ZNF177: variants seen among roughly 807,000 people sequenced by gnomAD.
ZNF177 encodes zinc finger protein 177.
Under a neutral mutation model 19.4 loss-of-function variants are expected in ZNF177, and 17 were observed. The observed-to-expected ratio is 0.87, with a 90% CI of 0.60 to 1.31. ZNF177 has a LOEUF of 1.31. Ranked by LOEUF, ZNF177 falls within the 40% of genes most tolerant of loss-of-function variation. The probability of loss-of-function intolerance (pLI) is 0.00; values close to 1 mark genes in which losing one functional copy is unlikely to be tolerated. For missense variants in ZNF177, 633 were observed against 561.8 expected, an observed-to-expected ratio of 1.13 and a Z score of -1.28; for synonymous variants, 220 against 188.7, an observed-to-expected ratio of 1.17 and a Z score of -1.36.
intron 2 of ZNF177, chr19:9,378,572 G>A (rs2068144228): frequency 4.4e-6 from 3 of 679,040 alleles, no homozygotes; most frequent in Non-Finnish European, 7.3e-6. Context: ...ATTCCATACT[G>A]TAGTGAGTGC....
At chr19:9,382,041 T>C (rs1599398205) in exon 6 of ZNF177, 1 of 477,848 alleles carries the variant, frequency 2.1e-6, no homozygotes, top group Non-Finnish European at 3.6e-6. Flanking sequence ...ACAGAACACA[T>C]GGTCTTCAAT....
In ZNF177 at chr19:9,381,810, G is replaced by A. The variant is rs372326101; in HGVS notation, c.*33G>A. 7.1e-6 allele frequency: 11 copies of A among 1,555,020 alleles called. No individual in the cohort carries two copies. The African/African-American group carries it at 8.2e-5, about 12-fold the overall frequency. ...CAGGGAAGTGTTTGTTGCCCCTCATGCCTCCTTTCTCACTTTAGAACATAT... is the reference window on the plus strand; with the variant it reads ...CAGGGAAGTGTTTGTTGCCCCTCATACCTCCTTTCTCACTTTAGAACATAT... On this transcript the variant is annotated 3_prime_UTR_variant, in exon 6 of 6. Transcript: ENST00000589262.
At chr19:9,372,654 C>A (rs1330905734), upstream of ZNF177, among the ~76,000 whole-genome samples, 1 of 142,520 alleles carries the variant, frequency 7.0e-6, no homozygotes, top group African/African-American at 2.6e-5. Flanking sequence ...TCAAGCAATT[C>A]TCCTGCCTCC....
upstream of ZNF177, among the ~76,000 whole-genome samples, chr19:9,372,543 T>C (rs988022663): frequency 1.6e-5 from 2 of 124,292 alleles, no homozygotes; most frequent in Admixed American, 1.5e-4. Flanking sequence ...TCTTTTCCTT[T>C]TTTTTTTTTT....
At chr19:9,379,757 T>TA (rs2068164253) in intron 4 of ZNF177, 138 bp downstream of exon 6, 1 of 1,027,738 alleles carries the variant, frequency 9.7e-7, no homozygotes, top group Non-Finnish European at 1.4e-6. Context: ...CAATCGTTCA[T>TA]ACGTTCATTT....
chr19:9,381,461 TC>T lies in ZNF177; in HGVS notation c.1131del (p.Phe377LeufsTer63). 1.2e-6 allele frequency: 2 copies of T among 1,611,644 alleles called. No homozygotes were observed. The highest frequency in any genetic ancestry group is 1.7e-6 in the Non-Finnish European group (2 of 1,177,882). On this transcript the variant is annotated frameshift_variant, in exon 6 of 6. Coordinates refer to ENST00000589262, the Ensembl canonical transcript of ZNF177. LOFTEE classifies it low-confidence loss of function (END_TRUNC). ...GAATGCAGTGACTGTGGAAAAGCCT[TC>T]ATCGATCAGTCATCCCTTAAGAAAC...
At chr19:9,370,999 C>T (rs2068041100) in intron 2 of ZNF177, among the ~76,000 whole-genome samples, 1 of 152,166 alleles carries the variant, frequency 6.6e-6, no homozygotes, top group African/African-American at 2.4e-5. Context: ...ATGCTCATTT[C>T]AAGTATTCAG....
intron 1 of ZNF177, among the ~76,000 whole-genome samples, chr19:9,364,300 GACAACTGCAGCTAGAGTCA>G (rs1444816876): frequency 6.6e-6 from 1 of 152,184 alleles, no homozygotes; most frequent in African/African-American, 2.4e-5. Context: ...GGTTTTGGAG[GACAACTGCAGCTAGAGTCA>G]ACTTGGGCCT....
downstream of ZNF177, chr19:9,382,547 G>A (rs962724888): frequency 2.5e-6 from 1 of 396,426 alleles, no homozygotes; most frequent in Admixed American, 4.4e-5. Context: ...CTTGTGGGAA[G>A]TTCCTCTTTC....
At chr19:9,370,733 T>C (rs2068037444) in intron 2 of ZNF177, among the ~76,000 whole-genome samples, 2 of 152,292 alleles carry the variant, frequency 1.3e-5, no homozygotes, top group South Asian at 2.1e-4. Flanking sequence ...TAAATAGTTA[T>C]GCTGTATTGT....
downstream of ZNF177, chr19:9,382,309 C>T: frequency 2.5e-6 from 1 of 398,790 alleles, no homozygotes; most frequent in Non-Finnish European, 4.4e-6. Flanking sequence ...GCTAAGGAAG[C>T]TCATGGAAAT....
At chr19:9,376,024 C>A (rs147242468), upstream of ZNF177, among the ~76,000 whole-genome samples, 611 of 152,238 alleles carry the variant, frequency 4.0e-3, 1 homozygote, top group African/African-American at 0.014. Flanking sequence ...TTTTTACTTT[C>A]GGGCTACATG....
chr19:9,379,140 C>A, intron 3 of ZNF177, 52 bp downstream of exon 5: 1 of 1,544,584 alleles, frequency 6.5e-7, no homozygotes, highest in South Asian at 1.2e-5. Flanking sequence ...AGTTCTTAAG[C>A]ACATATTATG....
In ZNF177 at chr19:9,381,768, C is replaced by G. The variant is rs752720974; in HGVS notation, c.1437C>G (p.Leu479=). 8.8e-6 allele frequency: 14 copies of G among 1,595,706 alleles called. No homozygotes were observed. The African/African-American group carries it at 1.1e-4, about 12-fold the overall frequency. ...AGCGAATCCACAATGGCCAGAAACT[C>G]CATGAATGAAATGACTCAGGGAAGT... The change falls in exon 6 of 6, where the codon CTC becomes CTG. Residue 479 remains leucine, a synonymous_variant. Coordinates refer to ENST00000589262, the Ensembl canonical transcript of ZNF177.
At chr19:9,363,342 T>C (rs2067931205) in intron 1 of ZNF177, 1 of 152,248 alleles carries the variant, frequency 6.6e-6, no homozygotes, top group Non-Finnish European at 1.5e-5. Context: ...TTTCTCCACT[T>C]TCTGTACCCT....
exon 6 of ZNF177, chr19:9,380,963 T>G (rs1302026712): frequency 4.0e-5 from 61 of 1,540,372 alleles, no homozygotes; most frequent in Non-Finnish European, 5.3e-5. Context: ...CAATGTGATA[T>G]GTCCTTCAGC....
intron 2 of ZNF177, among the ~76,000 whole-genome samples, chr19:9,367,292 G>A (rs1003675531): frequency 6.6e-6 from 1 of 151,508 alleles, no homozygotes. Flanking sequence ...TCCAGCCTGG[G>A]AAACAGACCA....
upstream of ZNF177, among the ~76,000 whole-genome samples, chr19:9,373,354 G>A (rs1257534249): frequency 1.3e-5 from 2 of 152,070 alleles, no homozygotes. Context: ...TTCAGCAATC[G>A]ACAAACACGT....
chr19:9,363,631 A>G (rs944156237), intron 1 of ZNF177, among the ~76,000 whole-genome samples: 5 of 152,156 alleles, frequency 3.3e-5, no homozygotes, highest in Non-Finnish European at 7.3e-5. Flanking sequence ...AGCATAAATG[A>G]ATGTGTAATT....
Sources: allele counts gnomAD v4.1 joint callset (sites outside exome capture counted in the v4.1 genomes callset), GRCh38; gene constraint gnomAD v4.1.1; transcripts MANE v1.5; gene names NCBI Gene and HGNC (gene_info 2026-07-23, HGNC 2026-07-21).